The following ZNF507 variants were observed in gnomAD, a reference collection of about 807,000 sequenced individuals.
ZNF507 encodes the protein zinc finger protein 507.
A neutral mutation model predicts 80.0 loss-of-function variants in ZNF507; 29 were observed. The observed-to-expected ratio is 0.36, with a 90% CI of 0.27 to 0.49. The LOEUF is 0.49. Ranked by LOEUF, ZNF507 falls within the 20% of genes least tolerant of loss-of-function variation. The pLI is 0.98. For missense variants in ZNF507, 1,081 were observed against 1,152.2 expected (o/e 0.94, Z 0.90); for synonymous variants, 462 against 422.5 (o/e 1.09, Z -1.15).
chr19:32,354,209 G>A lies in ZNF507; in HGVS notation c.1379G>A (p.Ser460Asn), dbSNP rs1275228304. ...DIGGLIIGWS[S>N]SEKKDELMNK... Reference sequence around the variant, plus strand: ...GGGGGATTGATCATAGGCTGGAGCAGTTCAGAGAAAAAAGACGAGTTAATG... The same window carrying A: ...GGGGGATTGATCATAGGCTGGAGCAATTCAGAGAAAAAAGACGAGTTAATG... The change falls in exon 3 of 7, where the codon AGT becomes AAT. Residue 460 changes from serine to asparagine, a missense_variant. Around this residue, in one of 6 missense-constraint regions of ZNF507, gnomAD observed 614 missense variants for 583.9 expected, o/e 1.05. Coordinates refer to ENST00000355898, the MANE Select transcript of ZNF507 (RefSeq NM_001136156.2). 6.2e-7 allele frequency: 1 copy of A among 1,613,766 alleles called. No homozygotes were observed. The highest frequency in any genetic ancestry group is 1.3e-5 in the African/African-American group (1 of 75,008).
At chr19:32,350,299 G>T (rs12460071) in intron 2 of ZNF507, among the ~76,000 whole-genome samples, 4 of 149,842 alleles carry the variant, frequency 2.7e-5, no homozygotes, top group African/African-American at 9.8e-5. Flanking sequence ...GTTTCCTGAC[G>T]TATTTCATGT....
chr19:32,382,440 A>T (rs887934279), intron 5 of ZNF507, 27 bp from the exon 6 acceptor site: 3 of 1,610,598 alleles, frequency 1.9e-6, no homozygotes, highest in Non-Finnish European at 2.5e-6. Flanking sequence ...GACCGTTCTG[A>T]TTTTCCCTTG....
chr19:32,354,732 C>T lies in ZNF507; in HGVS notation c.1902C>T (p.Ile634=). The change falls in exon 3 of 7, where the codon ATC becomes ATT. Residue 634 remains isoleucine (I), a synonymous_variant. Transcript: ENST00000355898. ...CCGGAAACAATGTGGTGGAATACAT[C>T]CCGAATGCTGAACGACCCTACCGTT... ...SLSGNNVVEY[I]PNAERPYRCR... 1.2e-6 allele frequency: 2 copies of T among 1,614,184 alleles called. No individual in the cohort carries two copies. The highest frequency in any genetic ancestry group is 1.7e-6 in the Non-Finnish European group (2 of 1,180,032).
At position 32,385,620 on chromosome 19, in the gene ZNF507, G is replaced by A. The variant is rs1967678365; in HGVS notation, c.*2537G>A. 6.6e-6 allele frequency: 1 copy of A among 152,266 alleles called. No individual in the cohort carries two copies. The highest frequency in any genetic ancestry group is 2.4e-5 in the African/African-American group (1 of 41,460). The allele number at this position is 152,266 out of a possible 1,614,324, so 9.4% of individuals were successfully genotyped here. A position where few individuals can be genotyped will look rare whatever the true frequency, so the allele number is the denominator to read the frequency against. Reference sequence around the variant, plus strand: ...GCTTGAGTCCAGAAGTTTAAGACCAGCCTGGGCAACACGGGGAGACCCTGT... The same window carrying A: ...GCTTGAGTCCAGAAGTTTAAGACCAACCTGGGCAACACGGGGAGACCCTGT... On this transcript the variant is annotated 3_prime_UTR_variant, in exon 7 of 7. Coordinates refer to ENST00000355898, the MANE Select transcript of ZNF507 (RefSeq NM_001136156.2).
rs748383603 is a variant in ZNF507 at position 32,353,728 on chromosome 19, G to C, written c.898G>C (p.Gly300Arg). 3 of 1,614,078 alleles carry C rather than the reference G, an allele frequency of 1.9e-6. No individual in the cohort carries two copies. Among genetic ancestry groups the C allele is most frequent in the Non-Finnish European group, 1.7e-6 (2 of 1,180,036 alleles). ...LLDSSAAAAP[G>R]GVDAVVIAIG... The stretch of plus-strand genomic sequence containing the variant: ...GGATTCTTCAGCAGCTGCTGCGCCT[G>C]GTGGGGTCGATGCAGTCGTCATTGC... Residue 300 changes from glycine to arginine, a missense_variant, in exon 3 of 7, where the codon GGT (glycine) becomes CGT (arginine). Gly to Arg is a moderately radical substitution (Grantham distance 125). Transcript: ENST00000355898.
intron 2 of ZNF507, among the ~76,000 whole-genome samples, chr19:32,348,567 G>C (rs1879929106): frequency 1.3e-5 from 2 of 152,168 alleles, no homozygotes; most frequent in African/African-American, 4.8e-5. Context: ...CTTTTTGTGA[G>C]AAAGATATTA....
intron 5 of ZNF507, among the ~76,000 whole-genome samples, chr19:32,369,862 C>T (rs1967446421): frequency 1.3e-5 from 2 of 152,238 alleles, no homozygotes. Flanking sequence ...TAGACAAGTT[C>T]ATCCTATATA....
At chr19:32,375,546 A>G (rs1967535462) in intron 5 of ZNF507, among the ~76,000 whole-genome samples, 1 of 152,242 alleles carries the variant, frequency 6.6e-6, no homozygotes, top group South Asian at 2.1e-4. Flanking sequence ...ATTATAGATT[A>G]AAAGAGACTT....
chr19:32,350,166 C>G (rs1042016117), intron 2 of ZNF507, among the ~76,000 whole-genome samples: 1 of 149,938 alleles, frequency 6.7e-6, no homozygotes, highest in Non-Finnish European at 1.5e-5. Flanking sequence ...AACTTCCCCT[C>G]TGTGTATACT....
At chr19:32,352,634 G>T (rs1431651559) in intron 2 of ZNF507, among the ~76,000 whole-genome samples, 195 bp from the exon 3 acceptor site, 1 of 152,180 alleles carries the variant, frequency 6.6e-6, no homozygotes, top group African/African-American at 2.4e-5. Context: ...CTTGATAGAA[G>T]ATTGCATTGT....
rs1428047433 is a variant in ZNF507, at chr19:32,385,488, A to T, written c.*2405A>T. ...TTTTCTAAAAGTAATAATGAAGATT[A>T]TGCAATTCTAACTGTAGAAGAGATA... On this transcript the variant is annotated 3_prime_UTR_variant, in exon 7 of 7. Transcript: ENST00000355898. 6.6e-6 allele frequency: 1 copy of T among 152,242 alleles called. No homozygotes were observed. The highest frequency in any genetic ancestry group is 2.4e-5 in the African/African-American group (1 of 41,462). The allele number at this position is 152,242 out of a possible 1,614,324, so 9.4% of individuals were successfully genotyped here.
intron 5 of ZNF507, among the ~76,000 whole-genome samples, chr19:32,379,312 GT>G (rs910183621): frequency 6.6e-6 from 1 of 152,090 alleles, no homozygotes; most frequent in African/African-American, 2.4e-5. Context: ...TAAGGTTAGG[GT>G]TTTTTTGTAG....
chr19:32,364,933 C>T (rs1261288445), intron 5 of ZNF507, among the ~76,000 whole-genome samples: 2 of 151,906 alleles, frequency 1.3e-5, no homozygotes, highest in South Asian at 2.1e-4. Context: ...TCCCACCAAC[C>T]GTGTAGAAGT....
Position 32,352,861 on chromosome 19 carries a change from G to A in ZNF507, c.31G>A (p.Val11Met), listed in dbSNP as rs780454019. 1.1e-5 allele frequency: 18 copies of A among 1,593,358 alleles called. No homozygotes were observed. Among genetic ancestry groups the A allele is most frequent in the Non-Finnish European group, 1.5e-5 (18 of 1,173,134 alleles). MEESSSVAML[V>M]PDIGEQEAIL... ...AGAAAGTAGCAGTGTTGCCATGTTG[G>A]TGCCAGATATTGGGGAACAGGAAGC... is the stretch of plus-strand genomic sequence containing the variant. The change falls in exon 3 of 7, where the codon GTG becomes ATG. Residue 11 changes from valine to methionine, a missense_variant. Physicochemically the swap from Val to Met is conservative, Grantham distance 21. This residue lies in a region of ZNF507 where 275 missense variants were observed against 303.9 expected (regional missense o/e 0.90). Coordinates refer to ENST00000355898, the MANE Select transcript of ZNF507 (RefSeq NM_001136156.2).
intron 5 of ZNF507, among the ~76,000 whole-genome samples, chr19:32,381,492 C>T (rs766373646): frequency 6.6e-6 from 1 of 151,918 alleles, no homozygotes; most frequent in Non-Finnish European, 1.5e-5. Context: ...CCCAGCTACT[C>T]AGGAGGCTGA....
At chr19:32,381,839 G>T (rs1187893206) in intron 5 of ZNF507, among the ~76,000 whole-genome samples, 2 of 152,006 alleles carry the variant, frequency 1.3e-5, no homozygotes, top group Non-Finnish European at 2.9e-5. Context: ...AAACCTAAAG[G>T]CATCTAAAAA....
At position 32,360,552 on chromosome 19, in the gene ZNF507, A is replaced by G; in HGVS notation, c.2294A>G (p.Tyr765Cys). 6.2e-7 allele frequency: 1 copy of G among 1,603,618 alleles called. No homozygotes were observed. Among genetic ancestry groups the G allele is most frequent in the South Asian group, 1.1e-5 (1 of 88,548 alleles). ...QKQYRCDVCD[Y>C]TSTTYVGVRN... ...CAATATAGATGTGATGTGTGTGATT[A>G]TACAAGTACAACATATGTTGGTGTC... Residue 765 changes from tyrosine to cysteine, a missense_variant, in exon 5 of 7, where the codon TAT (tyrosine) becomes TGT (cysteine). By Grantham distance (194) the Tyr-to-Cys change is radical. Transcript: ENST00000355898.
rs1041689661 is a variant in ZNF507 at position 32,350,325 on chromosome 19, A to G, written c.-2-2504A>G. On this transcript the variant is annotated intron_variant, in intron 2 of 6. Transcript: ENST00000355898. ...TATTTCATGTTGTCATATCTGTTTT[A>G]TAGCTGCCATTACTGTACTTATCCC... is the stretch of plus-strand genomic sequence containing the variant. Among the ~76,000 whole-genome samples, 44 of 150,606 alleles carry G rather than the reference A, an allele frequency of 2.9e-4. 1 individual carries two copies. The South Asian group carries it at 4.8e-3, about 16-fold the overall frequency.
intron 1 of ZNF507, among the ~76,000 whole-genome samples, chr19:32,346,572 C>T (rs1967100280): frequency 6.6e-6 from 1 of 152,196 alleles, no homozygotes; most frequent in Non-Finnish European, 1.5e-5. Context: ...AAAGCCTGGC[C>T]CTTCATTCCT....
Sources: gnomAD v4.1 joint callset for allele counts (sites outside exome capture counted in the v4.1 genomes callset) on GRCh38, gnomAD v4.1.1 for gene constraint, gnomAD v4.1.1 regional missense constraint, MANE v1.5 for transcripts, NCBI Gene and HGNC (gene_info 2026-07-23, HGNC 2026-07-21) for gene names.